Variants in PAN2 observed in about 807,000 individuals in gnomAD.
PAN2 encodes the protein poly(A) specific ribonuclease subunit PAN2, also known as PAN2-PAN3 deadenylation complex catalytic subunit PAN2.
A neutral mutation model predicts 133.3 loss-of-function variants in PAN2; 68 were observed. The ratio of observed to expected loss-of-function variants is 0.51; its 90% CI spans 0.42 to 0.62. The LOEUF (loss-of-function observed/expected upper bound fraction) is 0.62, where lower values mean the gene tolerates loss of function less well. Among genes scored for constraint, PAN2 ranks in the 20% least tolerant of loss-of-function variants. The pLI is 0.00. For missense variants in PAN2, 1,042 were observed against 1,500.5 expected, an observed-to-expected ratio of 0.69 and a Z score of 5.05; for synonymous variants, 462 against 544.6, an observed-to-expected ratio of 0.85 and a Z score of 2.11.
In PAN2 at chr12:56,324,334, C is replaced by T; in HGVS notation, c.1888G>A (p.Glu630Lys). 6.2e-7 allele frequency: 1 copy of T among 1,614,116 alleles called. No individual in the cohort carries two copies. The highest frequency in any genetic ancestry group is 2.2e-5 in the East Asian group (1 of 44,886). Residue 630 changes from glutamate (E) to lysine (K), a missense_variant, in exon 12 of 26, where the codon GAG (glutamate) becomes AAG (lysine). Physicochemically the swap from Glu to Lys is moderately conservative, Grantham distance 56. Coordinates refer to ENST00000440411, the MANE Select transcript of PAN2 (RefSeq NM_014871.6). The part of the protein sequence containing the change: ...ILTQLHQDMQ[E>K]LEIPQAYRGA... ...CGATAAGCCTGTGGTATTTCCAGCTCCTGCATATCTTGATGCAGTTGAGTG... is the reference window on the plus strand; with the variant it reads ...CGATAAGCCTGTGGTATTTCCAGCTTCTGCATATCTTGATGCAGTTGAGTG...
intron 14 of PAN2, 68 bp from the exon 15 acceptor site, chr12:56,323,666 G>T: frequency 6.7e-7 from 1 of 1,497,880 alleles, no homozygotes; most frequent in Non-Finnish European, 9.3e-7. Flanking sequence ...CAGGGACCTG[G>T]GTCTGCGTCT....
intron 25 of PAN2, among the ~76,000 whole-genome samples, chr12:56,317,940 C>T (rs1419312631): frequency 6.6e-6 from 1 of 152,162 alleles, no homozygotes; most frequent in Non-Finnish European, 1.5e-5. Context: ...ACTTTGTGAG[C>T]CCAAGGTGGG....
Position 56,320,096 on chromosome 12 carries a change from T to G in PAN2, c.2789-75A>C, listed in dbSNP as rs990366812. 4.3e-6 allele frequency: 6 copies of G among 1,397,796 alleles called. No individual in the cohort carries two copies. The African/African-American group carries it at 7.1e-5, about 17-fold the overall frequency. The allele number at this position is 1,397,796 out of a possible 1,614,324, so 86.6% of individuals were successfully genotyped here. ...GGGGAGAGAAGCCCAGTGTGGCTGA[T>G]CATCGACTCTGGGTCTTCACTGTGA... On this transcript the variant is annotated intron_variant, in intron 20 of 25. Coordinates refer to ENST00000440411, the MANE Select transcript of PAN2 (RefSeq NM_014871.6).
chr12:56,323,007 T>A lies in PAN2; in HGVS notation c.2493+55A>T, dbSNP rs1432261040. 16 of 1,605,380 alleles carry A rather than the reference T, an allele frequency of 1.0e-5. No homozygotes were observed. In the Admixed American group the frequency reaches 2.2e-4, roughly 22 times the overall value. ...TCACCTTCCCCTGCCCTCCTTTACC[T>A]TCTGCCCCACCTTCTCTCCCTTATT... On this transcript the variant is annotated intron_variant, in intron 17 of 25. Transcript: ENST00000440411.
chr12:56,323,898 T>C lies in PAN2; in HGVS notation c.2081A>G (p.Asn694Ser). 2 of 1,613,956 alleles carry C rather than the reference T, an allele frequency of 1.2e-6. No individual in the cohort carries two copies. Among genetic ancestry groups the C allele is most frequent in the South Asian group, 1.1e-5 (1 of 91,080 alleles). ...LSYPDDKTGK[N>S]YDFAQVLKRS... is the part of the protein sequence containing the mutation. ...CTTCAGCACCTGAGCAAAGTCATAG[T>C]TCTTCCCAGTTTTATCTGAGGGAAA... Residue 694 changes from asparagine (N) to serine (S), a missense_variant, in exon 14 of 26, where the codon AAC becomes AGC. Asn to Ser is a conservative substitution (Grantham distance 46). Around this residue, in one of 3 missense-constraint regions of PAN2, gnomAD observed 908 missense variants for 1,223.5 expected, o/e 0.74. Transcript: ENST00000440411.
intron 1 of PAN2, 167 bp downstream of exon 1, chr12:56,333,695 A>G (rs1351231477): frequency 6.6e-6 from 1 of 152,230 alleles, no homozygotes; most frequent in Non-Finnish European, 1.5e-5. Context: ...GTTACCCACA[A>G]TTGGGGCGGG....
rs1473173611 is a variant in PAN2, at chr12:56,332,843, G to A, written c.252C>T (p.His84=). ...GGCTCCCCACCCACAGCATCTCCTC[G>A]TGCAAGTCAAAGTGGGAGACGGAAA... ...VPVSVSHFDL[H]EEMLWVGSHG... Residue 84 remains histidine, a synonymous_variant, in exon 2 of 26, where the codon CAC becomes CAT. Transcript: ENST00000440411. 3.7e-6 allele frequency: 6 copies of A among 1,614,090 alleles called. No homozygotes were observed. The highest frequency in any genetic ancestry group is 3.4e-6 in the Non-Finnish European group (4 of 1,180,022).
intron 3 of PAN2, 34 bp from the exon 4 acceptor site, chr12:56,328,392 C>G: frequency 1.9e-6 from 3 of 1,596,088 alleles, no homozygotes; most frequent in South Asian, 1.1e-5. Flanking sequence ...GGGGCCCAGG[C>G]CTTACAAGCT....
Position 56,323,104 on chromosome 12 carries a change from T to C in PAN2, c.2451A>G (p.Lys817=). The C allele has an allele frequency of 6.2e-7, 1 of 1,614,130 alleles. No homozygotes were observed. The highest frequency in any genetic ancestry group is 8.5e-7 in the Non-Finnish European group (1 of 1,180,018). Residue 817 remains lysine, a synonymous_variant, in exon 17 of 26, where the codon AAA becomes AAG. Transcript: ENST00000440411. ...FSIRMKMTKN[K]GLDVCNWTDG... ...CAGTCCAATTGCAAACATCCAGCCC[T>C]TTGTTTTTGGTCATCTTCATGCGAA...
rs777594918 is a variant in PAN2, at chr12:56,319,299, C to T, written c.3270+9G>A. 5 of 1,612,548 alleles carry T rather than the reference C, an allele frequency of 3.1e-6. No individual in the cohort carries two copies. The highest frequency in any genetic ancestry group is 4.5e-5 in the East Asian group (2 of 44,866). On this transcript the variant is annotated intron_variant, in intron 23 of 25. Coordinates refer to ENST00000440411, the MANE Select transcript of PAN2 (RefSeq NM_014871.6). This position sits in a 1 kb window ranked among gnomAD's most constrained non-coding sequence, Gnocchi z 5.4. ...TCACAAGAAGACTCTTAAAAGAGCC[C>T]TGCCAAACCATCAGGTTGATGACCC...
chr12:56,325,308 C>G (rs1475676798), intron 9 of PAN2, 27 bp downstream of exon 9: 11 of 1,613,004 alleles, frequency 6.8e-6, no homozygotes, highest in Non-Finnish European at 9.3e-6. Flanking sequence ...TTCCCCACAT[C>G]CCACAGGCCC....
Position 56,322,188 on chromosome 12 carries a change from CT to C in PAN2, c.2698-21del. 1 of 1,457,420 alleles carries C rather than the reference CT, an allele frequency of 6.9e-7. No homozygotes were observed. Among genetic ancestry groups the C allele is most frequent in the Non-Finnish European group, 9.6e-7 (1 of 1,038,304 alleles). The allele number at this position is 1,457,420 out of a possible 1,614,324, so 90.3% of individuals were successfully genotyped here. The stretch of plus-strand genomic sequence containing the variant: ...TTCATGCTATAGAAGAGAAAAAGCA[CT>C]TATGGCTAATGTATATCACCCTTTT... On this transcript the variant is annotated intron_variant, in intron 19 of 25. Coordinates refer to ENST00000440411, the MANE Select transcript of PAN2 (RefSeq NM_014871.6).
At chr12:56,324,957 G>C in intron 10 of PAN2, 52 bp downstream of exon 10, 2 of 1,602,680 alleles carry the variant, frequency 1.2e-6, no homozygotes, top group Non-Finnish European at 1.7e-6. Context: ...GAGCCATAGG[G>C]AAGAAGAAAA....
rs1435458636 is a variant in PAN2 at position 56,317,377 on chromosome 12, T to C, written c.*232A>G. 6.9e-6 allele frequency: 4 copies of C among 577,406 alleles called. No individual in the cohort carries two copies. Among genetic ancestry groups the C allele is most frequent in the Non-Finnish European group, 1.2e-5 (4 of 321,386 alleles). 35.8% of individuals were successfully genotyped at this position (577,406 alleles called of 1,614,324 possible). A position where few individuals can be genotyped will look rare whatever the true frequency, so the allele number is the denominator to read the frequency against. On this transcript the variant is annotated 3_prime_UTR_variant, in exon 26 of 26. Coordinates refer to ENST00000440411, the MANE Select transcript of PAN2 (RefSeq NM_014871.6). ...CCATCTGGGTCAATTCTAGACTCCA[T>C]GTCTGTACCACTGTTTTGCAAAGAA...
In PAN2 at chr12:56,325,420, A is replaced by C. The variant is rs747987773; in HGVS notation, c.1394T>G (p.Phe465Cys). The change falls in exon 9 of 26, where the codon TTT becomes TGT. Residue 465 changes from phenylalanine (F) to cysteine (C), a missense_variant. By Grantham distance (205) the Phe-to-Cys change is radical (BLOSUM62 -2). This residue lies in a region of PAN2 where 908 missense variants were observed against 1,223.5 expected (regional missense o/e 0.74). Transcript: ENST00000440411. ...PYRLKESDSE[F>C]DSFSQVTESP... is the part of the protein sequence containing the mutation. ...CTCAGTGACCTGGCTGAAGCTGTCA[A>C]ATTCACTGTCTGACTCCTTGAGTCT... 1 of 1,614,164 alleles carries C rather than the reference A, an allele frequency of 6.2e-7. No individual in the cohort carries two copies. Among genetic ancestry groups the C allele is most frequent in the African/African-American group, 1.3e-5 (1 of 75,034 alleles).
Position 56,323,379 on chromosome 12 carries a change from G to T in PAN2, c.2277C>A (p.Ala759=), listed in dbSNP as rs750221448. The change falls in exon 16 of 26, where the codon GCC becomes GCA. Residue 759 remains alanine (A), a synonymous_variant. Coordinates refer to ENST00000440411, the MANE Select transcript of PAN2 (RefSeq NM_014871.6). ...CGTGTTTCTTTACTGCCATCTTGAA[G>T]GCAACCTGAACACAGAAGAAAAACA... The part of the protein sequence containing the change: ...ADFWRMQAEV[A]FKMAVKKHGG... 2.5e-6 allele frequency: 4 copies of T among 1,613,786 alleles called. No homozygotes were observed. The South Asian group carries it at 4.4e-5, about 18-fold the overall frequency.
intron 2 of PAN2, among the ~76,000 whole-genome samples, chr12:56,331,338 T>G (rs1875816712): frequency 6.6e-6 from 1 of 152,230 alleles, no homozygotes; most frequent in Admixed American, 6.5e-5. Context: ...GTTTATCCTA[T>G]GCTAAGACGC....
rs1279101530 is a variant in PAN2, at chr12:56,328,577, C to A, written c.347G>T (p.Ser116Ile). 26 of 1,614,192 alleles carry A rather than the reference C, an allele frequency of 1.6e-5. No individual in the cohort carries two copies. The highest frequency in any genetic ancestry group is 2.2e-5 in the Non-Finnish European group (26 of 1,179,986). ...ERYSSFQVNG[S>I]DDIRQIQSLE... is the part of the protein sequence containing the mutation. The stretch of plus-strand genomic sequence containing the variant: ...GCTCTGGATCTGCCGAATATCATCA[C>A]TGCCATTGACTTGAAAGGATGAGTA... The change falls in exon 3 of 26, where the codon AGT becomes ATT. Residue 116 changes from serine to isoleucine, a missense_variant. This residue lies in a region of PAN2 where 908 missense variants were observed against 1,223.5 expected (regional missense o/e 0.74). Transcript: ENST00000440411.
At position 56,316,945 on chromosome 12, in the gene PAN2, TAACA is replaced by T. The variant is rs774802975; in HGVS notation, c.*660_*663del. ...ACTAGCAGTTCTCTAATGAGATAAA[TAACA>T]AACGATATTTTATTTTTATTTTATA... On this transcript the variant is annotated 3_prime_UTR_variant, in exon 26 of 26. Coordinates refer to ENST00000440411, the MANE Select transcript of PAN2 (RefSeq NM_014871.6). The T allele has an allele frequency of 7.9e-5, 12 of 152,156 alleles. No homozygotes were observed. The highest frequency in any genetic ancestry group is 1.6e-4 in the Non-Finnish European group (11 of 68,026). The allele number at this position is 152,156 out of a possible 1,614,324, so 9.4% of individuals were successfully genotyped here. A position where few individuals can be genotyped will look rare whatever the true frequency, so the allele number is the denominator to read the frequency against.
Sources: gnomAD v4.1 joint callset for allele counts (sites outside exome capture counted in the v4.1 genomes callset) on GRCh38, gnomAD v4.1.1 for gene constraint, gnomAD v4.1.1 regional missense constraint, Gnocchi (gnomAD v3.1) non-coding constraint, MANE v1.5 for transcripts, NCBI Gene and HGNC (gene_info 2026-07-23, HGNC 2026-07-21) for gene names.